EREG: variants seen among roughly 807,000 people sequenced by gnomAD.
The protein encoded by EREG is epiregulin, also known as proepiregulin.
In EREG, 23 loss-of-function variants were observed where a neutral mutation model predicts 22.4. The observed-to-expected ratio is 1.03, with a 90% CI of 0.74 to 1.46. The LOEUF is 1.46. Ranked by LOEUF, EREG falls within the 40% of genes most tolerant of loss-of-function variation. The probability of loss-of-function intolerance (pLI) is 0.00; values close to 1 mark genes in which losing one functional copy is unlikely to be tolerated. For missense variants in EREG, 226 were observed against 205.9 expected, an observed-to-expected ratio of 1.10 and a Z score of -0.60; for synonymous variants, 100 against 75.4, an observed-to-expected ratio of 1.33 and a Z score of -1.69.
At chr4:74,366,556 G>T (rs955087454) in intron 1 of EREG, among the ~76,000 whole-genome samples, 1 of 152,214 alleles carries the variant, frequency 6.6e-6, no homozygotes, top group Non-Finnish European at 1.5e-5. Context: ...GTTTTGAAAA[G>T]AATTAAATTA....
In EREG at chr4:74,387,766, C is replaced by G. The variant is rs1436614585; in HGVS notation, c.*2958C>G. 2 of 152,060 alleles carry G rather than the reference C, an allele frequency of 1.3e-5. No homozygotes were observed. The highest frequency in any genetic ancestry group is 2.4e-5 in the African/African-American group (1 of 41,414). 9.4% of individuals were successfully genotyped at this position (152,060 alleles called of 1,614,324 possible). On this transcript the variant is annotated 3_prime_UTR_variant, in exon 5 of 5. Coordinates refer to ENST00000244869, the MANE Select transcript of EREG (RefSeq NM_001432.3). ...TATGCATATTCAATGTATTGAGAAC[C>G]AAAGCAACCACAAATGCATAAATGC...
intron 1 of EREG, among the ~76,000 whole-genome samples, chr4:74,371,954 C>A (rs1021045488): frequency 3.3e-5 from 5 of 151,962 alleles, no homozygotes; most frequent in Non-Finnish European, 5.9e-5. Context: ...CTATTTAGGG[C>A]AGGAACAATG....
chr4:74,379,767 GAAC>G (rs1324074090), intron 2 of EREG, among the ~76,000 whole-genome samples: 2 of 152,144 alleles, frequency 1.3e-5, no homozygotes, highest in Non-Finnish European at 2.9e-5. Flanking sequence ...AAGAGATAGG[GAAC>G]AACAACAACA....
At position 74,385,859 on chromosome 4, in the gene EREG, T is replaced by C. The variant is rs1040597039; in HGVS notation, c.*1051T>C. 3.3e-5 allele frequency: 13 copies of C among 396,744 alleles called. No homozygotes were observed. The highest frequency in any genetic ancestry group is 2.7e-4 in the African/African-American group (13 of 48,568). The allele number at this position is 396,744 out of a possible 1,614,324, so 24.6% of individuals were successfully genotyped here. A position where few individuals can be genotyped will look rare whatever the true frequency, so the allele number is the denominator to read the frequency against. Reference sequence around the variant, plus strand: ...CTTTAATACAGCTCAGTAAATGGCTTCTTCTAGAATGTAAAGTTATGTATT... The same window carrying C: ...CTTTAATACAGCTCAGTAAATGGCTCCTTCTAGAATGTAAAGTTATGTATT... On this transcript the variant is annotated 3_prime_UTR_variant, in exon 5 of 5. Coordinates refer to ENST00000244869, the MANE Select transcript of EREG (RefSeq NM_001432.3).
chr4:74,380,009 A>T (rs1752447824), intron 2 of EREG, among the ~76,000 whole-genome samples: 1 of 152,228 alleles, frequency 6.6e-6, no homozygotes, highest in Non-Finnish European at 1.5e-5. Context: ...AGTATGTAGT[A>T]TGCACCAAAC....
At chr4:74,376,200 A>T (rs1752380893) in intron 1 of EREG, among the ~76,000 whole-genome samples, 1 of 152,256 alleles carries the variant, frequency 6.6e-6, no homozygotes. Context: ...TAATAGTTGC[A>T]GGTTGCAATT....
chr4:74,384,691 T>A, intron 4 of EREG, 36 bp from the exon 5 acceptor site: 2 of 1,212,664 alleles, frequency 1.6e-6, no homozygotes, highest in South Asian at 1.2e-5. Context: ...TGCTATTAAC[T>A]GCAGTGCTAA....
intron 4 of EREG, 67 bp downstream of exon 4, chr4:74,382,861 G>A: frequency 8.4e-7 from 1 of 1,191,762 alleles, no homozygotes; most frequent in Non-Finnish European, 1.2e-6. Flanking sequence ...CCTATAAACT[G>A]GGTAAAAATA....
In EREG at chr4:74,365,296, G is replaced by C. The variant is rs1214612283; in HGVS notation, c.-13G>C. 6.2e-7 allele frequency: 1 copy of C among 1,600,474 alleles called. No individual in the cohort carries two copies. Among genetic ancestry groups the C allele is most frequent in the African/African-American group, 1.3e-5 (1 of 74,880 alleles). ...CGCCCTCCGCCAAGCCCCAGCGCCC[G>C]CTCCCATCGCCGATGACCGCGGGGA... On this transcript the variant is annotated 5_prime_UTR_variant, in exon 1 of 5. Transcript: ENST00000244869.
chr4:74,385,824 G>A lies in EREG; in HGVS notation c.*1016G>A, dbSNP rs904088638. ...ACAGTTATTTCATCTTTTATTCAAG[G>A]AAGTTTTAACTTTAATACAGCTCAG... is the stretch of plus-strand genomic sequence containing the variant. On this transcript the variant is annotated 3_prime_UTR_variant, in exon 5 of 5. Transcript: ENST00000244869. 12 of 396,214 alleles carry A rather than the reference G, an allele frequency of 3.0e-5. No homozygotes were observed. In the Admixed American group the frequency reaches 3.1e-4, roughly 10 times the overall value. The allele number at this position is 396,214 out of a possible 1,614,324, so 24.5% of individuals were successfully genotyped here. A position where few individuals can be genotyped will look rare whatever the true frequency, so the allele number is the denominator to read the frequency against.
rs1279651730 is a variant in EREG, at chr4:74,365,294, C to T, written c.-15C>T. On this transcript the variant is annotated 5_prime_UTR_variant, in exon 1 of 5. Coordinates refer to ENST00000244869, the MANE Select transcript of EREG (RefSeq NM_001432.3). The stretch of plus-strand genomic sequence containing the variant: ...GCCGCCCTCCGCCAAGCCCCAGCGC[C>T]CGCTCCCATCGCCGATGACCGCGGG... 8.1e-6 allele frequency: 13 copies of T among 1,600,562 alleles called. No homozygotes were observed. The highest frequency in any genetic ancestry group is 2.2e-5 in the East Asian group (1 of 44,854).
At chr4:74,368,536 C>T (rs546338141) in intron 1 of EREG, among the ~76,000 whole-genome samples, 3 of 152,104 alleles carry the variant, frequency 2.0e-5, no homozygotes, top group South Asian at 2.1e-4. Context: ...ACTGTGAGAA[C>T]GTAAATGTAT....
chr4:74,368,504 G>T (rs921464255), intron 1 of EREG, among the ~76,000 whole-genome samples: 19 of 152,222 alleles, frequency 1.2e-4, no homozygotes, highest in African/African-American at 4.3e-4. Context: ...ATCAACTTGG[G>T]ATCTATAGCC....
chr4:74,383,742 T>C (rs1752520665), intron 4 of EREG, among the ~76,000 whole-genome samples: 1 of 152,218 alleles, frequency 6.6e-6, no homozygotes, highest in African/African-American at 2.4e-5. Context: ...ACTTTCATAA[T>C]ATTAAATTTA....
chr4:74,373,672 T>TATGTGTTC (rs1752331209), intron 1 of EREG, among the ~76,000 whole-genome samples: 5 of 147,968 alleles, frequency 3.4e-5, no homozygotes, highest in Admixed American at 2.0e-4. Context: ...TGTGTTCATA[T>TATGTGTTC]ATATTTATAT....
intron 1 of EREG, among the ~76,000 whole-genome samples, chr4:74,370,639 TA>T (rs1227081808): frequency 6.6e-6 from 1 of 150,806 alleles, no homozygotes; most frequent in Non-Finnish European, 1.5e-5. Flanking sequence ...GAGAGAGAGA[TA>T]GAGAGAGAGA....
intron 3 of EREG, 23 bp downstream of exon 3, chr4:74,381,160 A>G (rs754585265): frequency 6.2e-7 from 1 of 1,602,262 alleles, no homozygotes; most frequent in Non-Finnish European, 8.5e-7. Flanking sequence ...AAATAAACAA[A>G]CACAGTTTGT....
chr4:74,367,597 T>C (rs551744475), intron 1 of EREG, among the ~76,000 whole-genome samples: 2 of 152,308 alleles, frequency 1.3e-5, no homozygotes, highest in Non-Finnish European at 2.9e-5. Context: ...ACTTCATCAA[T>C]GAGAGAGAAT....
intron 1 of EREG, among the ~76,000 whole-genome samples, chr4:74,373,211 T>C (rs1247224564): frequency 6.6e-6 from 1 of 152,108 alleles, no homozygotes. Context: ...ATATTTTGAC[T>C]CACTGATTCT....
Sources: gnomAD v4.1 joint callset for allele counts (sites outside exome capture counted in the v4.1 genomes callset) on GRCh38, gnomAD v4.1.1 for gene constraint, MANE v1.5 for transcripts, NCBI Gene and HGNC (gene_info 2026-07-23, HGNC 2026-07-21) for gene names.